Variants in SUPT3H observed in about 807,000 individuals in gnomAD.
The protein encoded by SUPT3H is transcription initiation protein SPT3 homolog.
A neutral mutation model predicts 44.3 loss-of-function variants in SUPT3H; 44 were observed. The observed-to-expected ratio is 0.99, with a 90% confidence interval of 0.78 to 1.28. The LOEUF is 1.28. Ranked by LOEUF, SUPT3H falls within the 50% of genes most tolerant of loss-of-function variation. SUPT3H has a pLI of 0.00. For synonymous variants in SUPT3H, 124 were observed against 125.6 expected (o/e 0.99, Z 0.09); for missense variants, 380 against 387.1 (o/e 0.98, Z 0.15).
At chr6:44,870,905 G>A (rs1391264719) in intron 10 of SUPT3H, among the ~76,000 whole-genome samples, 3 of 151,696 alleles carry the variant, frequency 2.0e-5, no homozygotes, top group Non-Finnish European at 4.4e-5. Flanking sequence ...CTGGAAAATC[G>A]GGTCACTCCC....
intron 2 of SUPT3H, among the ~76,000 whole-genome samples, chr6:45,229,353 G>A (rs1767532988): frequency 6.6e-6 from 1 of 152,036 alleles, no homozygotes; most frequent in Non-Finnish European, 1.5e-5. Context: ...CTTATACTGA[G>A]AGAGTTTTCT....
At position 44,895,517 on chromosome 6, in the gene SUPT3H, T is replaced by G. The variant is rs577012448; in HGVS notation, c.912+37136A>C. Among the ~76,000 whole-genome samples, 104 of 152,316 alleles carry G rather than the reference T, an allele frequency of 6.8e-4. No individual in the cohort carries two copies. The Middle Eastern group carries it at 0.01, about 15-fold the overall frequency. Reference sequence around the variant, plus strand: ...TAGATATATTCAAGGACATTTTGTTTTGAGAGACAGTCTCTGAGAAATAAT... The same window carrying G: ...TAGATATATTCAAGGACATTTTGTTGTGAGAGACAGTCTCTGAGAAATAAT... On this transcript the variant is annotated intron_variant, in intron 10 of 10. Coordinates refer to ENST00000371459, the MANE Select transcript of SUPT3H (RefSeq NM_003599.4).
Position 44,866,127 on chromosome 6 carries a change from TA to T in SUPT3H, c.913-36271del, listed in dbSNP as rs753270104. On this transcript the variant is annotated intron_variant, in intron 10 of 10. Transcript: ENST00000371459. ...TCGACTTTTTTTTTTTTTTTTTTTT[TA>T]AGCAAAGTAGATTGCCTGTCTAAGA... Among the ~76,000 whole-genome samples, 473 of 87,688 alleles carry T rather than the reference TA, an allele frequency of 5.4e-3. 1 individual carries two copies. Among genetic ancestry groups the T allele is most frequent in the Middle Eastern group, 0.014 (2 of 140 alleles). The allele number at this position is 87,688 out of a possible 152,430, so 57.5% of individuals were successfully genotyped here. A position where few individuals can be genotyped will look rare whatever the true frequency, so the allele number is the denominator to read the frequency against.
At chr6:45,293,673 G>A (rs1780660053) in intron 2 of SUPT3H, among the ~76,000 whole-genome samples, 1 of 152,072 alleles carries the variant, frequency 6.6e-6, no homozygotes, top group Admixed American at 6.6e-5. Context: ...TGACGCCAAA[G>A]AAATACAAAA....
rs925796552 is a variant in SUPT3H at position 45,259,175 on chromosome 6, C to T, written c.101+106026G>A. ...TGGGAAGAGATGAGAAAATAAGATG[C>T]GTTTATCAGATCTTCCAATTGCGCA... On this transcript the variant is annotated intron_variant, in intron 2 of 10. Coordinates refer to ENST00000371459, the MANE Select transcript of SUPT3H (RefSeq NM_003599.4). Among the ~76,000 whole-genome samples the T allele has an allele frequency of 5.3e-5, 8 of 151,886 alleles. No individual in the cohort carries two copies. In the East Asian group the frequency reaches 1.4e-3, roughly 26 times the overall value.
chr6:45,168,577 T>C (rs1263458101), intron 2 of SUPT3H, among the ~76,000 whole-genome samples: 1 of 152,136 alleles, frequency 6.6e-6, no homozygotes, highest in Non-Finnish European at 1.5e-5. Context: ...TCTCAGATAT[T>C]TGGGGATCAC....
intron 2 of SUPT3H, among the ~76,000 whole-genome samples, chr6:45,242,165 C>T (rs1770475822): frequency 6.6e-6 from 1 of 152,066 alleles, no homozygotes; most frequent in African/African-American, 2.4e-5. Flanking sequence ...AAAAACCATG[C>T]ATAACAGCAA....
At chr6:45,275,048 G>C (rs1030503246) in intron 2 of SUPT3H, among the ~76,000 whole-genome samples, 1 of 151,998 alleles carries the variant, frequency 6.6e-6, no homozygotes, top group Non-Finnish European at 1.5e-5. Flanking sequence ...CTGAAACTTG[G>C]TATATATGTT....
intron 3 of SUPT3H, among the ~76,000 whole-genome samples, chr6:45,068,487 G>A (rs2153549740): frequency 6.6e-6 from 1 of 151,990 alleles, no homozygotes. Context: ...AAAAAGATAG[G>A]GATGGGTAGA....
At chr6:44,929,009 G>A (rs1185321113) in intron 10 of SUPT3H, among the ~76,000 whole-genome samples, 1 of 151,654 alleles carries the variant, frequency 6.6e-6, no homozygotes, top group Admixed American at 6.6e-5. Flanking sequence ...CAGCACACAT[G>A]AATGTGGTGT....
At chr6:45,106,046 A>G in intron 2 of SUPT3H, 40 bp from the exon 3 acceptor site, 1 of 1,504,024 alleles carries the variant, frequency 6.6e-7, no homozygotes, top group Non-Finnish European at 9.2e-7. Context: ...TAAGGACTAT[A>G]AAACTAAGAA....
intron 2 of SUPT3H, among the ~76,000 whole-genome samples, chr6:45,309,328 C>G (rs1026117901): frequency 6.6e-6 from 1 of 151,126 alleles, no homozygotes. Context: ...TAAAAAGAAA[C>G]AAATTCCAAA....
intron 2 of SUPT3H, among the ~76,000 whole-genome samples, chr6:45,216,851 G>A (rs1353629985): frequency 6.6e-6 from 1 of 152,086 alleles, no homozygotes; most frequent in East Asian, 1.9e-4. Context: ...ACATGTATGA[G>A]CCTGGAGGAT....
chr6:45,372,301 C>G (rs1031637187), intron 1 of SUPT3H, among the ~76,000 whole-genome samples: 1 of 152,104 alleles, frequency 6.6e-6, no homozygotes, highest in African/African-American at 2.4e-5. Flanking sequence ...CTTAGTAAAC[C>G]GCCTTGTACA....
intron 2 of SUPT3H, among the ~76,000 whole-genome samples, chr6:45,323,644 G>A (rs4590263): frequency 0.15 from 22,818 of 151,992 alleles, 1,958 homozygotes; most frequent in East Asian, 0.26. Context: ...ATGACAATGA[G>A]TATCTCAAAA....
At chr6:45,169,042 T>C (rs779199772) in intron 2 of SUPT3H, among the ~76,000 whole-genome samples, 5 of 152,218 alleles carry the variant, frequency 3.3e-5, no homozygotes, top group Non-Finnish European at 7.3e-5. Context: ...TGAAGTCTGA[T>C]TGTAATGGAT....
chr6:45,007,702 T>A (rs1197098624), intron 5 of SUPT3H, among the ~76,000 whole-genome samples: 1 of 151,956 alleles, frequency 6.6e-6, no homozygotes, highest in Non-Finnish European at 1.5e-5. Context: ...TCTATGTTGG[T>A]GCATTACTCC....
In SUPT3H at chr6:45,196,840, T is replaced by A. The variant is rs539808261; in HGVS notation, c.102-90834A>T. Among the ~76,000 whole-genome samples the A allele has an allele frequency of 1.5e-3, 229 of 151,928 alleles. 2 individuals are homozygous for A. Among genetic ancestry groups the A allele is most frequent in the Admixed American group, 2.4e-3 (36 of 15,226 alleles). ...CTGATAAAAGATGAGAATACAAAAA[T>A]GATTCAAGAAAACATGGAGAAGATT... is the stretch of plus-strand genomic sequence containing the variant. On this transcript the variant is annotated intron_variant, in intron 2 of 10. Coordinates refer to ENST00000371459, the MANE Select transcript of SUPT3H (RefSeq NM_003599.4).
At chr6:45,279,176 A>C (rs1003773758) in intron 2 of SUPT3H, among the ~76,000 whole-genome samples, 19 of 152,198 alleles carry the variant, frequency 1.2e-4, no homozygotes, top group Non-Finnish European at 2.1e-4. Context: ...AAATCTTTTG[A>C]CCCAAAATGG....
Sources: allele counts gnomAD v4.1 joint callset (sites outside exome capture counted in the v4.1 genomes callset), GRCh38; gene constraint gnomAD v4.1.1; transcripts MANE v1.5; gene names NCBI Gene and HGNC (gene_info 2026-07-23, HGNC 2026-07-21).